Variants in MYH9 observed in about 807,000 individuals in gnomAD.
The protein encoded by MYH9 is myosin-9.
Under a neutral mutation model 241.9 loss-of-function variants are expected in MYH9, and 29 were observed. The ratio of observed to expected loss-of-function variants is 0.12; its 90% CI spans 0.09 to 0.16. MYH9 has a LOEUF of 0.16. Among genes scored for constraint, MYH9 ranks in the 10% least tolerant of loss-of-function variants. The pLI is 1.00. For synonymous variants in MYH9, 1,047 were observed against 1,062.6 expected, an observed-to-expected ratio of 0.99 and a Z score of 0.29; for missense variants, 1,803 against 2,595.5, an observed-to-expected ratio of 0.69 and a Z score of 6.63.
Position 36,322,443 on chromosome 22 carries a change from T to C in MYH9, c.691A>G (p.Asn231Asp). 6.2e-7 allele frequency: 1 copy of C among 1,613,904 alleles called. No homozygotes were observed. The highest frequency in any genetic ancestry group is 1.3e-5 in the African/African-American group (1 of 75,058). Residue 231 changes from asparagine to aspartate, a missense_variant, in exon 6 of 41, where the codon AAC becomes GAC. Physicochemically the swap from Asn to Asp is conservative, Grantham distance 23 (BLOSUM62 1). Coordinates refer to ENST00000216181, the MANE Select transcript of MYH9 (RefSeq NM_002473.6). ...GCGCTACTCACGAAGCGGGAGGAGTTGTCATTCTTCACGGTCTTGGCGTTC... is the reference window on the plus strand; with the variant it reads ...GCGCTACTCACGAAGCGGGAGGAGTCGTCATTCTTCACGGTCTTGGCGTTC... ...FGNAKTVKND[N>D]SSRFGKFIRI...
intron 3 of MYH9, among the ~76,000 whole-genome samples, chr22:36,328,090 A>G (rs2146370793): frequency 6.6e-6 from 1 of 152,348 alleles, no homozygotes; most frequent in East Asian, 1.9e-4. Context: ...TGTCCACAAC[A>G]CATGTGAACA....
At chr22:36,352,797 C>A (rs545724298) in intron 1 of MYH9, among the ~76,000 whole-genome samples, 1 of 152,310 alleles carries the variant, frequency 6.6e-6, no homozygotes, top group South Asian at 2.1e-4. Context: ...AAGGTCAGAG[C>A]CCCAGCTTGC....
chr22:36,314,018 G>A (rs920762211), intron 13 of MYH9, 127 bp downstream of exon 13: 45 of 1,255,830 alleles, frequency 3.6e-5, no homozygotes, highest in South Asian at 1.0e-4. Flanking sequence ...TTCATCCTCC[G>A]GGTGGCACCA....
intron 2 of MYH9, among the ~76,000 whole-genome samples, chr22:36,346,204 C>T (rs994927857): frequency 6.6e-6 from 1 of 151,418 alleles, no homozygotes; most frequent in African/African-American, 2.4e-5. Context: ...TTCCACATAT[C>T]TACTTGTTGA....
chr22:36,377,632 G>A (rs921303482), intron 1 of MYH9, among the ~76,000 whole-genome samples: 2 of 152,140 alleles, frequency 1.3e-5, no homozygotes, highest in Admixed American at 6.5e-5. Context: ...GAACCTGGCC[G>A]GGTGCGGTGG....
rs1176184594 is a variant in MYH9, at chr22:36,301,828, ACCAC to A, written c.2500-167_2500-164del. ...AGGCACATCCTTCCTGGCGCTCTGTACCACGGGCTTCTGACCCGCTAACTACATT... is the reference window on the plus strand; with the variant it reads ...AGGCACATCCTTCCTGGCGCTCTGTAGGGCTTCTGACCCGCTAACTACATT... On this transcript the variant is annotated intron_variant, in intron 20 of 40. Coordinates refer to ENST00000216181, the MANE Select transcript of MYH9 (RefSeq NM_002473.6). The A allele has an allele frequency of 5.6e-6, 5 of 895,366 alleles. No homozygotes were observed. The Admixed American group carries it at 6.3e-5, about 11-fold the overall frequency. 55.5% of individuals were successfully genotyped at this position (895,366 alleles called of 1,614,324 possible).
At chr22:36,367,205 T>C (rs931542152) in intron 1 of MYH9, among the ~76,000 whole-genome samples, 2 of 152,054 alleles carry the variant, frequency 1.3e-5, no homozygotes, top group African/African-American at 2.4e-5. Flanking sequence ...CTCCGGAGGG[T>C]TAAGCAGGAT....
Position 36,320,719 on chromosome 22 carries a change from A to G in MYH9, c.868+79T>C. ...CAAGGCCAAAAGTTTTCATTTCCCA[A>G]ATGATGTCTACGGTCCAATTCTGGC... On this transcript the variant is annotated intron_variant, in intron 8 of 40. Coordinates refer to ENST00000216181, the MANE Select transcript of MYH9 (RefSeq NM_002473.6). The surrounding 1 kb of genome is among the most constrained non-coding windows in gnomAD (Gnocchi z 4.8). 1 of 1,274,270 alleles carries G rather than the reference A, an allele frequency of 7.8e-7. No individual in the cohort carries two copies. The allele number at this position is 1,274,270 out of a possible 1,614,324, so 78.9% of individuals were successfully genotyped here. A position where few individuals can be genotyped will look rare whatever the true frequency, so the allele number is the denominator to read the frequency against.
At position 36,306,715 on chromosome 22, in the gene MYH9, C is replaced by A; in HGVS notation, c.1844-108G>T. 9.0e-7 allele frequency: 1 copy of A among 1,111,306 alleles called. No homozygotes were observed. Among genetic ancestry groups the A allele is most frequent in the East Asian group, 2.6e-5 (1 of 38,996 alleles). 68.8% of individuals were successfully genotyped at this position (1,111,306 alleles called of 1,614,324 possible). On this transcript the variant is annotated intron_variant, in intron 15 of 40. Coordinates refer to ENST00000216181, the MANE Select transcript of MYH9 (RefSeq NM_002473.6). This position sits in a 1 kb window ranked among gnomAD's most constrained non-coding sequence, Gnocchi z 4.1. ...ACACGTCGGACAGGAAAAGAGGAGA[C>A]AGAATGAAACAACAGGACCCTTTCC...
intron 3 of MYH9, among the ~76,000 whole-genome samples, chr22:36,341,022 AGGAAGAG>A (rs540750119): frequency 9.1e-4 from 138 of 152,340 alleles, no homozygotes; most frequent in African/African-American, 3.3e-3. Flanking sequence ...GAAGCAAGAA[AGGAAGAG>A]GGAAAAACAC....
At chr22:36,283,969 G>A in intron 40 of MYH9, 124 bp downstream of exon 40, 1 of 1,162,484 alleles carries the variant, frequency 8.6e-7, no homozygotes, top group South Asian at 1.2e-5. Context: ...AGAAGGGGCA[G>A]GGATTGCTTT....
chr22:36,315,477 T>G lies in MYH9; in HGVS notation c.1380+1040A>C, dbSNP rs1184469447. 3.3e-5 allele frequency among the ~76,000 whole-genome samples: 5 copies of G among 152,072 alleles called. No homozygotes were observed. In the East Asian group the frequency reaches 9.6e-4, roughly 29 times the overall value. On this transcript the variant is annotated intron_variant, in intron 12 of 40. Transcript: ENST00000216181. ...GTCTTATCCCGATGCTCAGGGAATA[T>G]TTGCTGGAAGAATAAACAGGAAGCA...
chr22:36,367,438 T>G (rs6000258), intron 1 of MYH9, among the ~76,000 whole-genome samples: 1 of 152,088 alleles, frequency 6.6e-6, no homozygotes, highest in African/African-American at 2.4e-5. Context: ...ATAGAAGGCA[T>G]GGCAGGCAAT....
intron 9 of MYH9, 150 bp from the exon 10 acceptor site, chr22:36,319,785 G>A (rs772599020): frequency 4.8e-5 from 38 of 799,948 alleles, no homozygotes; most frequent in Non-Finnish European, 7.1e-5. Context: ...CCAGGTCTGC[G>A]TCTAACGGTG....
intron 1 of MYH9, among the ~76,000 whole-genome samples, chr22:36,375,391 A>C (rs1446605735): frequency 1.3e-5 from 2 of 152,234 alleles, no homozygotes; most frequent in African/African-American, 4.8e-5. Context: ...TGAAGTCAGT[A>C]GCCAAGGCAT....
Position 36,298,142 on chromosome 22 carries a change from A to G in MYH9, c.3100+777T>C, listed in dbSNP as rs9622374. On this transcript the variant is annotated intron_variant, in intron 24 of 40. Transcript: ENST00000216181. ...CCCTGCAGATGTGAGGGGGCCGGAC[A>G]AGACTGTGAAACTAAGCTGGGGATA... is the stretch of plus-strand genomic sequence containing the variant. Among the ~76,000 whole-genome samples, 320 of 152,184 alleles carry G rather than the reference A, an allele frequency of 2.1e-3. 3 individuals are homozygous for G. The highest frequency in any genetic ancestry group is 7.2e-3 in the African/African-American group (300 of 41,510).
At chr22:36,309,434 T>C (rs2017024718) in intron 14 of MYH9, 38 bp from the exon 15 acceptor site, 2 of 1,488,910 alleles carry the variant, frequency 1.3e-6, no homozygotes, top group Non-Finnish European at 9.4e-7. Context: ...CAAGCTGCGC[T>C]GGGGACATGT....
At position 36,293,870 on chromosome 22, in the gene MYH9, CG is replaced by C; in HGVS notation, c.3838-8del. ...TCACGTTGTCCAGCTCCACCTGCAC[CG>C]GGCGGGGAGACACAAAGGACCATGG... On this transcript the variant is annotated splice_polypyrimidine_tract_variant and splice_region_variant and intron_variant, in intron 28 of 40. Coordinates refer to ENST00000216181, the MANE Select transcript of MYH9 (RefSeq NM_002473.6). The surrounding 1 kb of genome is among the most constrained non-coding windows in gnomAD (Gnocchi z 5.1). The C allele has an allele frequency of 6.2e-7, 1 of 1,611,102 alleles. No individual in the cohort carries two copies. The highest frequency in any genetic ancestry group is 8.5e-7 in the Non-Finnish European group (1 of 1,178,790).
At chr22:36,292,625 C>T (rs553245494) in intron 30 of MYH9, among the ~76,000 whole-genome samples, 8 of 152,296 alleles carry the variant, frequency 5.3e-5, no homozygotes, top group Non-Finnish European at 1.2e-4. Context: ...CAATCAGGCA[C>T]GCTCGCGGGC....
Sources: allele counts gnomAD v4.1 joint callset (sites outside exome capture counted in the v4.1 genomes callset), GRCh38; gene constraint gnomAD v4.1.1; non-coding constraint Gnocchi (gnomAD v3.1); transcripts MANE v1.5; gene names NCBI Gene and HGNC (gene_info 2026-07-23, HGNC 2026-07-21).